Variants in ADAM12 observed in about 807,000 individuals in gnomAD.
ADAM12 encodes disintegrin and metalloproteinase domain-containing protein 12.
In ADAM12, 70 loss-of-function variants were observed where a neutral mutation model predicts 106.4. The ratio of observed to expected loss-of-function variants is 0.66; its 90% confidence interval spans 0.54 to 0.80. The LOEUF (loss-of-function observed/expected upper bound fraction) is 0.80. ADAM12 is among the 30% of genes least tolerant of loss of function. ADAM12 has a pLI of 0.00. For missense variants in ADAM12, 1,010 were observed against 1,171.9 expected (o/e 0.86, Z 2.02); for synonymous variants, 420 against 433.5 (o/e 0.97, Z 0.39).
chr10:126,211,121 C>T (rs1166890061), intron 3 of ADAM12, among the ~76,000 whole-genome samples: 1 of 152,090 alleles, frequency 6.6e-6, no homozygotes, highest in Non-Finnish European at 1.5e-5. Flanking sequence ...GAGCTGCTCT[C>T]GCCATTTGCA....
At chr10:126,046,568 G>A (rs1490052382) in intron 16 of ADAM12, among the ~76,000 whole-genome samples, 1 of 151,924 alleles carries the variant, frequency 6.6e-6, no homozygotes, top group Non-Finnish European at 1.5e-5. Context: ...ACTTTGGGAG[G>A]CCGAGGCAGG....
chr10:126,354,013 G>T (rs1304550720), intron 1 of ADAM12, among the ~76,000 whole-genome samples: 1 of 149,342 alleles, frequency 6.7e-6, no homozygotes, highest in Admixed American at 6.7e-5. Context: ...TATTTGAAAT[G>T]TTTTTTATAA....
At chr10:126,188,712 T>A (rs1012367636) in intron 3 of ADAM12, among the ~76,000 whole-genome samples, 1 of 152,200 alleles carries the variant, frequency 6.6e-6, no homozygotes, top group Non-Finnish European at 1.5e-5. Flanking sequence ...CCTTTGGGAA[T>A]CTTTTTTTCA....
At chr10:126,171,379 A>G (rs1036273967) in intron 3 of ADAM12, among the ~76,000 whole-genome samples, 17 of 152,232 alleles carry the variant, frequency 1.1e-4, no homozygotes, top group African/African-American at 3.9e-4. Flanking sequence ...AATTACTTAA[A>G]AAACCGTGGC....
rs199708629 is a variant in ADAM12, at chr10:126,309,612, G to A, written c.186+20800C>T. On this transcript the variant is annotated intron_variant, in intron 2 of 22. Transcript: ENST00000448723. ...TCCAGAAAATGGAGATAAAATTAAA[G>A]TGCTCCTATTGCATTACACTGAGTG... Among the ~76,000 whole-genome samples, 6 of 152,182 alleles carry A rather than the reference G, an allele frequency of 3.9e-5. No individual in the cohort carries two copies. The East Asian group carries it at 1.2e-3, about 29-fold the overall frequency.
At chr10:126,352,245 T>A (rs1855389051) in intron 1 of ADAM12, among the ~76,000 whole-genome samples, 1 of 152,238 alleles carries the variant, frequency 6.6e-6, no homozygotes, top group Non-Finnish European at 1.5e-5. Context: ...GAACAGGTCT[T>A]GGGCTCAGGG....
intron 1 of ADAM12, among the ~76,000 whole-genome samples, chr10:126,339,099 A>T (rs1247729836): frequency 2.6e-5 from 4 of 151,970 alleles, no homozygotes; most frequent in Non-Finnish European, 5.9e-5. Context: ...TGCCTCCTCC[A>T]CTTGAACATT....
chr10:126,111,661 C>T (rs1327102863), intron 6 of ADAM12, among the ~76,000 whole-genome samples: 1 of 152,180 alleles, frequency 6.6e-6, no homozygotes, highest in East Asian at 1.9e-4. Context: ...AGAAAATACA[C>T]AATTCCAGAT....
At chr10:126,153,792 G>A (rs567768582) in intron 4 of ADAM12, among the ~76,000 whole-genome samples, 106 of 152,238 alleles carry the variant, frequency 7.0e-4, no homozygotes, top group African/African-American at 2.5e-3. Context: ...GCTTATGTCT[G>A]GGCCCATGGG....
Position 126,161,984 on chromosome 10 carries a change from G to T in ADAM12, c.261-6679C>A, listed in dbSNP as rs186219986. Among the ~76,000 whole-genome samples, 4 of 152,294 alleles carry T rather than the reference G, an allele frequency of 2.6e-5. No individual in the cohort carries two copies. In the East Asian group the frequency reaches 7.7e-4, roughly 29 times the overall value. ...TTCTCTCAATACCAGGAAGTAAAAT[G>T]CATTTTAACTGTGCCAGGAGTTGAT... On this transcript the variant is annotated intron_variant, in intron 3 of 22. Transcript: ENST00000448723.
At chr10:126,331,913 G>C (rs967425397) in intron 1 of ADAM12, among the ~76,000 whole-genome samples, 1 of 152,290 alleles carries the variant, frequency 6.6e-6, no homozygotes, top group Non-Finnish European at 1.5e-5. Context: ...TCGACTCTCT[G>C]AATGGGAAGC....
intron 5 of ADAM12, among the ~76,000 whole-genome samples, chr10:126,133,268 C>T (rs1428020309): frequency 6.6e-6 from 1 of 152,144 alleles, no homozygotes; most frequent in Non-Finnish European, 1.5e-5. Context: ...CTCCTGAGCG[C>T]CCACTCTGCA....
At chr10:126,171,364 T>G (rs1347706742) in intron 3 of ADAM12, among the ~76,000 whole-genome samples, 1 of 152,208 alleles carries the variant, frequency 6.6e-6, no homozygotes, top group African/African-American at 2.4e-5. Flanking sequence ...GGTCTCAAAT[T>G]GTAAAATTAC....
intron 3 of ADAM12, among the ~76,000 whole-genome samples, chr10:126,244,639 G>A (rs1958594019): frequency 6.6e-6 from 1 of 152,216 alleles, no homozygotes; most frequent in Non-Finnish European, 1.5e-5. Context: ...ATTCACAGGT[G>A]TGGTGCTGGG....
intron 3 of ADAM12, among the ~76,000 whole-genome samples, chr10:126,179,545 G>A (rs979966967): frequency 1.3e-5 from 2 of 152,152 alleles, no homozygotes; most frequent in Non-Finnish European, 1.5e-5. Flanking sequence ...ATACCTTTTG[G>A]ATGCTAAAAA....
At chr10:126,144,506 A>C (rs1956588973) in intron 4 of ADAM12, among the ~76,000 whole-genome samples, 1 of 151,720 alleles carries the variant, frequency 6.6e-6, no homozygotes, top group South Asian at 2.1e-4. Context: ...ATGGATGTGC[A>C]TGAGAGAAAT....
In ADAM12 at chr10:126,186,566, G is replaced by A. The variant is rs1191869416; in HGVS notation, c.261-31261C>T. Reference sequence around the variant, plus strand: ...TCAATTTTGTAGTTCTAGGGACATGGGGATGAATGGGAAGATGGAAAAGGC... The same window carrying A: ...TCAATTTTGTAGTTCTAGGGACATGAGGATGAATGGGAAGATGGAAAAGGC... On this transcript the variant is annotated intron_variant, in intron 3 of 22. Coordinates refer to ENST00000448723, the MANE Select transcript of ADAM12 (RefSeq NM_001288973.2). 2.6e-5 allele frequency among the ~76,000 whole-genome samples: 4 copies of A among 152,248 alleles called. No individual in the cohort carries two copies. In the South Asian group the frequency reaches 6.2e-4, roughly 24 times the overall value.
At position 126,135,584 on chromosome 10, in the gene ADAM12, C is replaced by G; in HGVS notation, c.416G>C (p.Arg139Thr). The G allele has an allele frequency of 6.2e-7, 1 of 1,614,128 alleles. No individual in the cohort carries two copies. ...AVSLSTCSGL[R>T]GLIVFENESY... ...AGCCGCCATGGTCATGGCCACTTAC[C>G]TGAGACCAGAACACGTGCTGAGACT... The change falls in exon 5 of 23, where the codon AGG (arginine) becomes ACG (threonine). Residue 139 changes from arginine to threonine, a missense_variant and splice_region_variant. Around this residue, in one of 3 missense-constraint regions of ADAM12, gnomAD observed 391 missense variants for 442.9 expected, o/e 0.88. Transcript: ENST00000448723.
At chr10:126,234,289 A>G (rs1402130950) in intron 3 of ADAM12, among the ~76,000 whole-genome samples, 1 of 152,218 alleles carries the variant, frequency 6.6e-6, no homozygotes, top group Non-Finnish European at 1.5e-5. Flanking sequence ...TGCATTTGTA[A>G]TAAGAAAAGC....
Sources: allele counts gnomAD v4.1 joint callset (sites outside exome capture counted in the v4.1 genomes callset), GRCh38; gene constraint gnomAD v4.1.1; regional missense constraint gnomAD v4.1.1; transcripts MANE v1.5; gene names NCBI Gene and HGNC (gene_info 2026-07-23, HGNC 2026-07-21).